The following CFAP54 variants were observed in gnomAD, a reference collection of about 807,000 sequenced individuals.
The protein encoded by CFAP54 is cilia and flagella associated protein 54.
A neutral mutation model predicts 370.4 loss-of-function variants in CFAP54; 290 were observed. The observed-to-expected ratio is 0.78, with a 90% CI of 0.71 to 0.86. The LOEUF (loss-of-function observed/expected upper bound fraction) is 0.86. Ranked by LOEUF, CFAP54 falls within the 40% of genes least tolerant of loss-of-function variation. The probability of loss-of-function intolerance (pLI) is 0.00; values close to 1 mark genes in which losing one functional copy is unlikely to be tolerated. For missense variants in CFAP54, 3,399 were observed against 3,528.7 expected (o/e 0.96, Z 0.93); for synonymous variants, 1,206 against 1,236.5 (o/e 0.98, Z 0.52).
chr12:96,790,500 A>G (rs951034765), intron 62 of CFAP54, among the ~76,000 whole-genome samples: 5 of 152,226 alleles, frequency 3.3e-5, no homozygotes, highest in African/African-American at 1.2e-4. Flanking sequence ...TTATTAGACT[A>G]CTGTGCTAAT....
chr12:96,749,078 G>T (rs890696876), intron 55 of CFAP54, among the ~76,000 whole-genome samples: 1 of 152,186 alleles, frequency 6.6e-6, no homozygotes, highest in Non-Finnish European at 1.5e-5. Flanking sequence ...CTGTTTGACT[G>T]CTGTAACAAA....
chr12:96,654,832 A>ATTTTTTTTTTTTTTTTTTTTTTTTTTT (rs10631171), intron 36 of CFAP54, among the ~76,000 whole-genome samples: 1 of 132,126 alleles, frequency 7.6e-6, no homozygotes, highest in Non-Finnish European at 1.6e-5. Flanking sequence ...ATTTCACTTA[A>ATTTTTTTTTTTTTTTTTTTTTTTTTTT]TTTTTTTTTT....
At chr12:96,496,722 A>T (rs1954959032) in intron 1 of CFAP54, among the ~76,000 whole-genome samples, 1 of 152,184 alleles carries the variant, frequency 6.6e-6, no homozygotes, top group Non-Finnish European at 1.5e-5. Context: ...GGTCACAAAT[A>T]TTCAGTCTTA....
intron 26 of CFAP54, among the ~76,000 whole-genome samples, chr12:96,608,291 A>T (rs1371369216): frequency 8.9e-6 from 1 of 111,880 alleles, no homozygotes; most frequent in East Asian, 2.5e-4. Context: ...TGTGCATTTT[A>T]TATATGCATA....
At chr12:96,766,649 G>C (rs1442283364) in intron 60 of CFAP54, among the ~76,000 whole-genome samples, 2 of 152,176 alleles carry the variant, frequency 1.3e-5, no homozygotes, top group African/African-American at 4.8e-5. Flanking sequence ...TCTAGAATCT[G>C]AGGCTAATCG....
intron 67 of CFAP54, among the ~76,000 whole-genome samples, chr12:96,874,646 T>TTTTTTTTTC (rs1203064853): frequency 9.6e-6 from 1 of 103,722 alleles, no homozygotes; most frequent in African/African-American, 3.7e-5. Flanking sequence ...TTTTTTTTTT[T>TTTTTTTTTC]TGAGACGGAG....
At chr12:96,499,859 TTG>T (rs1955004926) in intron 1 of CFAP54, among the ~76,000 whole-genome samples, 1 of 152,000 alleles carries the variant, frequency 6.6e-6, no homozygotes, top group Non-Finnish European at 1.5e-5. Flanking sequence ...GGAAGGAGAA[TTG>T]CTTGAACCCC....
chr12:96,820,578 T>A (rs772810799), intron 65 of CFAP54, among the ~76,000 whole-genome samples: 1 of 152,200 alleles, frequency 6.6e-6, no homozygotes, highest in Non-Finnish European at 1.5e-5. Flanking sequence ...ATGGGGCAGA[T>A]GTCTTAGAAT....
intron 45 of CFAP54, among the ~76,000 whole-genome samples, chr12:96,695,500 C>T (rs1427960904): frequency 6.6e-6 from 1 of 152,212 alleles, no homozygotes; most frequent in African/African-American, 2.4e-5. Context: ...CTCTGAGTTA[C>T]TGAACTCTTA....
At chr12:96,701,795 C>T (rs1957494066) in intron 46 of CFAP54, among the ~76,000 whole-genome samples, 1 of 151,152 alleles carries the variant, frequency 6.6e-6, no homozygotes, top group African/African-American at 2.5e-5. Flanking sequence ...GGAGGAGGGA[C>T]CTAGGAGTCA....
At chr12:96,649,092 G>C (rs1956830553) in intron 34 of CFAP54, among the ~76,000 whole-genome samples, 1 of 152,142 alleles carries the variant, frequency 6.6e-6, no homozygotes. Context: ...CATTTTAAGT[G>C]CTATGGGATT....
intron 8 of CFAP54, 36 bp from the exon 9 acceptor site, chr12:96,527,210 A>T: frequency 6.8e-7 from 1 of 1,479,456 alleles, no homozygotes; most frequent in Non-Finnish European, 9.0e-7. Flanking sequence ...AATAGCTTTA[A>T]CAAATGGACT....
chr12:96,681,370 C>CTTTTTTT (rs202097088), intron 40 of CFAP54, among the ~76,000 whole-genome samples: 2 of 134,820 alleles, frequency 1.5e-5, no homozygotes, highest in Non-Finnish European at 3.2e-5. Context: ...AAGGTTTTTC[C>CTTTTTTT]TTTTTTTTTT....
intron 30 of CFAP54, among the ~76,000 whole-genome samples, 175 bp from the exon 31 acceptor site, chr12:96,629,918 G>A (rs547181444): frequency 9.9e-5 from 15 of 152,242 alleles, no homozygotes; most frequent in Admixed American, 2.0e-4. Flanking sequence ...TTGCTCTTTT[G>A]AGAGACCAGC....
At chr12:96,489,979 G>C in intron 1 of CFAP54, 53 bp downstream of exon 1, 1 of 1,461,232 alleles carries the variant, frequency 6.8e-7, no homozygotes, top group South Asian at 1.3e-5. Flanking sequence ...GGGACCCCTG[G>C]AAAGGGCTGG....
intron 45 of CFAP54, among the ~76,000 whole-genome samples, 163 bp downstream of exon 45, chr12:96,693,971 G>A (rs1046697432): frequency 2.6e-5 from 4 of 152,204 alleles, no homozygotes; most frequent in Non-Finnish European, 5.9e-5. Flanking sequence ...ATGAGAAAGA[G>A]CCAGTCAGAA....
chr12:96,718,527 G>A lies in CFAP54; in HGVS notation c.6804+5G>A. 1 of 1,523,090 alleles carries A rather than the reference G, an allele frequency of 6.6e-7. No individual in the cohort carries two copies. Among genetic ancestry groups the A allele is most frequent in the Non-Finnish European group, 9.1e-7 (1 of 1,103,398 alleles). 94.3% of individuals were successfully genotyped at this position (1,523,090 alleles called of 1,614,324 possible). On this transcript the variant is annotated splice_donor_5th_base_variant and intron_variant, in intron 49 of 67. Transcript: ENST00000524981. ...ATCACTCTTAGCATGCTAAAGGTAA[G>A]TTTGAAACTGTTTTCAAACCATTAA...
chr12:96,808,887 C>T (rs917252093), intron 63 of CFAP54, among the ~76,000 whole-genome samples: 3 of 152,138 alleles, frequency 2.0e-5, no homozygotes, highest in Non-Finnish European at 4.4e-5. Flanking sequence ...AACAGGGTTG[C>T]AGCAAACTAA....
intron 50 of CFAP54, among the ~76,000 whole-genome samples, chr12:96,726,714 CTAGCTT>C (rs1474695085): frequency 1.3e-5 from 2 of 152,274 alleles, no homozygotes; most frequent in South Asian, 4.1e-4. Context: ...TTGCCTTCTG[CTAGCTT>C]TTGAATGTGT....
Sources: allele counts gnomAD v4.1 joint callset (sites outside exome capture counted in the v4.1 genomes callset), GRCh38; gene constraint gnomAD v4.1.1; transcripts MANE v1.5; gene names NCBI Gene and HGNC (gene_info 2026-07-23, HGNC 2026-07-21).